CADPS2: variants seen among roughly 807,000 people sequenced by gnomAD.
CADPS2 encodes calcium-dependent secretion activator 2.
CADPS2 carries 93 observed loss-of-function variants against 172.5 expected under a neutral mutation model. The observed-to-expected ratio is 0.54, with a 90% CI of 0.46 to 0.64. The LOEUF (loss-of-function observed/expected upper bound fraction) is 0.64. Ranked by LOEUF, CADPS2 falls within the 30% of genes least tolerant of loss-of-function variation. CADPS2 has a pLI of 0.00. For missense variants in CADPS2, 1,420 were observed against 1,565.9 expected (o/e 0.91, Z 1.57); for synonymous variants, 546 against 555.2 (o/e 0.98, Z 0.23).
At chr7:122,331,898 T>C (rs1413046565) in intron 28 of CADPS2, 2 of 152,366 alleles carry the variant, frequency 1.3e-5, no homozygotes, top group Middle Eastern at 3.4e-3. Flanking sequence ...CACTTCTCTA[T>C]AGAAGGACAT....
chr7:122,395,332 A>AT (rs747112949), intron 20 of CADPS2: 20 of 152,178 alleles, frequency 1.3e-4, no homozygotes, highest in African/African-American at 7.2e-5. Context: ...ATGGGTTAGT[A>AT]TTTTTTGTGG....
At chr7:122,511,884 T>C (rs2060027527) in intron 9 of CADPS2, among the ~76,000 whole-genome samples, 2 of 152,154 alleles carry the variant, frequency 1.3e-5, no homozygotes, top group African/African-American at 4.8e-5. Context: ...CATGCACCAA[T>C]GTCAGAAACG....
rs911558454 is a variant in CADPS2 at position 122,393,661 on chromosome 7, T to C, written c.2747-79A>G. 3 of 1,473,966 alleles carry C rather than the reference T, an allele frequency of 2.0e-6. No individual in the cohort carries two copies. In the African/African-American group the frequency reaches 4.2e-5, roughly 21 times the overall value. The allele number at this position is 1,473,966 out of a possible 1,614,324, so 91.3% of individuals were successfully genotyped here. On this transcript the variant is annotated intron_variant, in intron 20 of 29. Transcript: ENST00000449022. ...GGAAAATATGGGCCAAAAAAACACG[T>C]TTTCTGAGAGAGTCTGACACAGAAG...
intron 9 of CADPS2, among the ~76,000 whole-genome samples, chr7:122,493,624 G>A (rs544497388): frequency 6.6e-6 from 1 of 152,092 alleles, no homozygotes; most frequent in African/African-American, 2.4e-5. Flanking sequence ...AAGGCAATCT[G>A]GCAACAGGTT....
chr7:122,419,095 A>C (rs2151790421), intron 17 of CADPS2, among the ~76,000 whole-genome samples: 1 of 152,346 alleles, frequency 6.6e-6, no homozygotes, highest in East Asian at 1.9e-4. Flanking sequence ...GATCAAAGTC[A>C]GCAACTGGGT....
At chr7:122,450,840 C>T (rs971421183) in intron 15 of CADPS2, among the ~76,000 whole-genome samples, 2 of 152,044 alleles carry the variant, frequency 1.3e-5, no homozygotes, top group South Asian at 4.1e-4. Context: ...TGGCTGATAG[C>T]TAATTTTTTG....
At chr7:122,538,423 A>T (rs1005029727) in intron 8 of CADPS2, among the ~76,000 whole-genome samples, 1 of 150,552 alleles carries the variant, frequency 6.6e-6, no homozygotes, top group Non-Finnish European at 1.5e-5. Context: ...AAAAAAGAAC[A>T]TTTACCTTAA....
intron 1 of CADPS2, among the ~76,000 whole-genome samples, chr7:122,780,272 A>G (rs1329611903): frequency 6.6e-6 from 1 of 152,008 alleles, no homozygotes; most frequent in Admixed American, 6.6e-5. Flanking sequence ...CTGTATACTG[A>G]GTCTTCTAAC....
chr7:122,471,594 T>C (rs2055950145), intron 13 of CADPS2, 32 bp from the exon 14 acceptor site: 3 of 1,512,410 alleles, frequency 2.0e-6, no homozygotes, highest in Admixed American at 2.3e-5. Flanking sequence ...GATATACATG[T>C]TTTTTCTTTC....
At chr7:122,701,935 G>A (rs775661466) in intron 2 of CADPS2, 1 of 1,613,584 alleles carries the variant, frequency 6.2e-7, no homozygotes, top group Non-Finnish European at 8.5e-7. Flanking sequence ...AAGTTAAAAT[G>A]CGTACTACAT....
intron 14 of CADPS2, among the ~76,000 whole-genome samples, chr7:122,453,682 G>C (rs778030759): frequency 6.6e-6 from 1 of 152,108 alleles, no homozygotes; most frequent in Non-Finnish European, 1.5e-5. Flanking sequence ...GGTTAAATAG[G>C]AGTAAACTTT....
chr7:122,712,635 G>C (rs2088929517), intron 2 of CADPS2, among the ~76,000 whole-genome samples: 1 of 152,120 alleles, frequency 6.6e-6, no homozygotes, highest in South Asian at 2.1e-4. Flanking sequence ...GGAAGGACCA[G>C]AGAAGCACAG....
intron 28 of CADPS2, among the ~76,000 whole-genome samples, chr7:122,345,097 A>ATCTAGAATGGCTTCAACTTTTT (rs2037369627): frequency 6.6e-6 from 1 of 151,962 alleles, no homozygotes; most frequent in South Asian, 2.1e-4. Context: ...GATGGTCTAT[A>ATCTAGAATGGCTTCAACTTTTT]TCTAGAATGG....
chr7:122,787,733 G>A lies in CADPS2; in HGVS notation c.340-50665C>T, dbSNP rs569090794. 3.3e-5 allele frequency among the ~76,000 whole-genome samples: 5 copies of A among 152,252 alleles called. 1 individual carries two copies. The highest frequency in any genetic ancestry group is 6.5e-5 in the Admixed American group (1 of 15,282). On this transcript the variant is annotated intron_variant, in intron 1 of 29. Transcript: ENST00000449022. ...GGCAGGGACAAGGAAGAATTCAAAC[G>A]TAATAAAGTAACTGAATTCCAGGAT... is the stretch of plus-strand genomic sequence containing the variant.
intron 1 of CADPS2, among the ~76,000 whole-genome samples, chr7:122,794,611 G>A (rs1419211747): frequency 6.6e-6 from 1 of 151,858 alleles, no homozygotes; most frequent in Non-Finnish European, 1.5e-5. Context: ...CTGGATCAAA[G>A]GGACCTGATA....
intron 6 of CADPS2, among the ~76,000 whole-genome samples, chr7:122,599,920 C>T (rs748661360): frequency 5.3e-5 from 8 of 152,004 alleles, no homozygotes; most frequent in Non-Finnish European, 8.8e-5. Context: ...TAATTAAAGG[C>T]AGTGATTATA....
At chr7:122,528,338 CAACA>C (rs1174914905) in intron 8 of CADPS2, among the ~76,000 whole-genome samples, 4 of 152,102 alleles carry the variant, frequency 2.6e-5, no homozygotes, top group African/African-American at 9.7e-5. Context: ...CACATTACAA[CAACA>C]AAAACTAGCT....
chr7:122,569,101 G>A (rs1244819111), intron 7 of CADPS2, among the ~76,000 whole-genome samples: 2 of 152,122 alleles, frequency 1.3e-5, no homozygotes, highest in Non-Finnish European at 1.5e-5. Context: ...GTCCCTGTTT[G>A]CAGACGACAT....
At position 122,881,857 on chromosome 7, in the gene CADPS2, C is replaced by T. The variant is rs144186051; in HGVS notation, c.339+4142G>A. ...AGGTCTCAAAACATGTTTAGGAACA[C>T]TAGTTCCCACTTTCCCACAGAAAAG... is the stretch of plus-strand genomic sequence containing the variant. On this transcript the variant is annotated intron_variant, in intron 1 of 29. Transcript: ENST00000449022. Among the ~76,000 whole-genome samples the T allele has an allele frequency of 2.8e-3, 420 of 152,294 alleles. 1 individual carries two copies. The highest frequency in any genetic ancestry group is 9.8e-3 in the African/African-American group (406 of 41,564).
Sources: gnomAD v4.1 joint callset for allele counts (sites outside exome capture counted in the v4.1 genomes callset) on GRCh38, gnomAD v4.1.1 for gene constraint, MANE v1.5 for transcripts, NCBI Gene and HGNC (gene_info 2026-07-23, HGNC 2026-07-21) for gene names.